CDH6: variants seen among roughly 807,000 people sequenced by gnomAD.
CDH6 encodes cadherin-6.
CDH6 carries 31 observed loss-of-function variants against 78.0 expected under a neutral mutation model. The observed-to-expected ratio is 0.40, with a 90% confidence interval of 0.30 to 0.54. CDH6 has a LOEUF of 0.54. Among genes scored for constraint, CDH6 ranks in the 20% least tolerant of loss-of-function variants. The pLI is 0.56. For missense variants in CDH6, 724 were observed against 975.9 expected (o/e 0.74, Z 3.44); for synonymous variants, 376 against 368.8 (o/e 1.02, Z -0.23).
At chr5:31,313,221 T>G in intron 7 of CDH6, 97 bp from the exon 8 acceptor site, 2 of 1,086,386 alleles carry the variant, frequency 1.8e-6, no homozygotes, top group Non-Finnish European at 2.6e-6. Context: ...ACAGATACTC[T>G]GGGATATGAT....
At chr5:31,315,773 C>T (rs545901257) in intron 8 of CDH6, among the ~76,000 whole-genome samples, 1 of 152,344 alleles carries the variant, frequency 6.6e-6, no homozygotes, top group South Asian at 2.1e-4. Flanking sequence ...AAGTGTTTAG[C>T]ATGACATCTT....
rs1157294125 is a variant in CDH6, at chr5:31,313,772, A to G, written c.1390+318A>G. The stretch of plus-strand genomic sequence containing the variant: ...TTAGAACATTACATAAACAGCTGAA[A>G]AAAACAGACTCTCAGTCAGACACTG... On this transcript the variant is annotated intron_variant, in intron 8 of 11. Transcript: ENST00000265071. 3.4e-5 allele frequency among the ~76,000 whole-genome samples: 5 copies of G among 145,292 alleles called. No individual in the cohort carries two copies. In the South Asian group the frequency reaches 1.1e-3, roughly 33 times the overall value.
intron 1 of CDH6, among the ~76,000 whole-genome samples, chr5:31,233,348 A>G (rs1338993739): frequency 6.6e-6 from 1 of 151,868 alleles, no homozygotes; most frequent in African/African-American, 2.4e-5. Flanking sequence ...CTCTACAAAA[A>G]AAAAAAAAAT....
chr5:31,237,568 A>T (rs911030771), intron 1 of CDH6, among the ~76,000 whole-genome samples: 1 of 152,154 alleles, frequency 6.6e-6, no homozygotes, highest in Non-Finnish European at 1.5e-5. Context: ...CCAACCCTGA[A>T]CTCAGCATTT....
chr5:31,215,012 T>G (rs868233849), intron 1 of CDH6, among the ~76,000 whole-genome samples: 2 of 152,202 alleles, frequency 1.3e-5, no homozygotes, highest in African/African-American at 4.8e-5. Flanking sequence ...CTGCTATAAT[T>G]CTCACTGAAT....
At chr5:31,304,123 A>G (rs1293586132) in intron 6 of CDH6, among the ~76,000 whole-genome samples, 1 of 152,102 alleles carries the variant, frequency 6.6e-6, no homozygotes, top group Non-Finnish European at 1.5e-5. Context: ...AATTAGCCCA[A>G]TGCCCTTTTC....
chr5:31,290,279 T>TA (rs1251095127), intron 2 of CDH6, among the ~76,000 whole-genome samples: 1 of 152,038 alleles, frequency 6.6e-6, no homozygotes, highest in Non-Finnish European at 1.5e-5. Context: ...AAACACATTT[T>TA]AAAAATCAAC....
chr5:31,282,751 A>T (rs1261835702), intron 2 of CDH6, among the ~76,000 whole-genome samples: 1 of 152,186 alleles, frequency 6.6e-6, no homozygotes, highest in Non-Finnish European at 1.5e-5. Context: ...TGTAAAAAAT[A>T]ATTGTCAAGG....
chr5:31,315,449 C>G (rs1024863095), intron 8 of CDH6, among the ~76,000 whole-genome samples: 2 of 152,212 alleles, frequency 1.3e-5, no homozygotes, highest in Non-Finnish European at 2.9e-5. Context: ...AACTCCTGAT[C>G]CTTACACTAG....
intron 1 of CDH6, among the ~76,000 whole-genome samples, chr5:31,212,977 T>G (rs1197064587): frequency 2.0e-5 from 3 of 152,210 alleles, no homozygotes; most frequent in Non-Finnish European, 4.4e-5. Context: ...CATTTCTATC[T>G]TCAACAAGTA....
At position 31,199,247 on chromosome 5, in the gene CDH6, G is replaced by GTA. The variant is rs574826995; in HGVS notation, c.-129+5371_-129+5372dup. The stretch of plus-strand genomic sequence containing the variant: ...CACACATACACACACACACATATGT[G>GTA]TATATATATATGCTCAGAGCATATA... On this transcript the variant is annotated intron_variant, in intron 1 of 11. Transcript: ENST00000265071. Among the ~76,000 whole-genome samples the GTA allele has an allele frequency of 1.5e-3, 230 of 150,388 alleles. 1 individual carries two copies. Among genetic ancestry groups the GTA allele is most frequent in the Admixed American group, 3.0e-3 (46 of 15,084 alleles).
intron 1 of CDH6, among the ~76,000 whole-genome samples, chr5:31,211,640 C>CAA (rs199658666): frequency 2.0e-5 from 3 of 151,502 alleles, no homozygotes; most frequent in South Asian, 2.1e-4. Flanking sequence ...TAATTTTAGG[C>CAA]AAAAAAATGA....
At chr5:31,212,172 T>C (rs998768299) in intron 1 of CDH6, among the ~76,000 whole-genome samples, 12 of 152,180 alleles carry the variant, frequency 7.9e-5, no homozygotes, top group African/African-American at 2.9e-4. Context: ...ATCAAGGTGT[T>C]GTGAGGAATA....
Position 31,262,182 on chromosome 5 carries a change from G to A in CDH6, c.-128-5164G>A, listed in dbSNP as rs77393805. 9.2e-3 allele frequency among the ~76,000 whole-genome samples: 1,406 copies of A among 152,250 alleles called. 22 individuals carry two copies. Among genetic ancestry groups the A allele is most frequent in the African/African-American group, 0.032 (1,324 of 41,542 alleles). ...GGCCCAGGCTCCTCCAAAATGGCAC[G>A]TATTAAATAAAATCTGGACTTGACC... On this transcript the variant is annotated intron_variant, in intron 1 of 11. Transcript: ENST00000265071.
chr5:31,222,534 G>A (rs186888880), intron 1 of CDH6, among the ~76,000 whole-genome samples: 353 of 152,202 alleles, frequency 2.3e-3, no homozygotes, highest in African/African-American at 8.2e-3. Flanking sequence ...TTCTGCTGAT[G>A]ATTCAGATAT....
intron 1 of CDH6, among the ~76,000 whole-genome samples, chr5:31,259,916 C>T (rs1408408809): frequency 2.0e-5 from 3 of 152,152 alleles, no homozygotes; most frequent in Non-Finnish European, 4.4e-5. Context: ...CCCGGGAAGC[C>T]CTTGCACTGC....
intron 9 of CDH6, among the ~76,000 whole-genome samples, chr5:31,316,725 A>C (rs1473408859): frequency 6.6e-6 from 1 of 152,242 alleles, no homozygotes; most frequent in East Asian, 1.9e-4. Flanking sequence ...ATACAAATTC[A>C]TGAATGTTTT....
chr5:31,267,823 A>G, intron 2 of CDH6, 122 bp downstream of exon 2: 2 of 745,420 alleles, frequency 2.7e-6, no homozygotes, highest in Non-Finnish European at 4.3e-6. Flanking sequence ...CTTAACTGGT[A>G]AGACTTTTTT....
intron 1 of CDH6, among the ~76,000 whole-genome samples, chr5:31,231,129 G>A (rs571461068): frequency 6.6e-6 from 1 of 152,262 alleles, no homozygotes; most frequent in East Asian, 1.9e-4. Context: ...GGGTGATTCA[G>A]CCTATAATGA....
Sources: gnomAD v4.1 joint callset for allele counts (sites outside exome capture counted in the v4.1 genomes callset) on GRCh38, gnomAD v4.1.1 for gene constraint, MANE v1.5 for transcripts, NCBI Gene and HGNC (gene_info 2026-07-23, HGNC 2026-07-21) for gene names.